Variants in CDH13 observed in about 807,000 individuals in gnomAD.
CDH13 encodes the protein cadherin 13, also known as cadherin-13.
Under a neutral mutation model 63.8 loss-of-function variants are expected in CDH13, and 24 were observed. The ratio of observed to expected loss-of-function variants is 0.38; its 90% CI spans 0.27 to 0.53. The LOEUF (loss-of-function observed/expected upper bound fraction) is 0.53. Ranked by LOEUF, CDH13 falls within the 20% of genes least tolerant of loss-of-function variation. The pLI, the probability that CDH13 is intolerant of heterozygous loss-of-function variation, is 0.85. For missense variants in CDH13, 1,049 were observed against 903.1 expected, an observed-to-expected ratio of 1.16 and a Z score of -2.07; for synonymous variants, 503 against 355.3, an observed-to-expected ratio of 1.42 and a Z score of -4.67.
chr16:82,895,394 G>C (rs763904660), intron 2 of CDH13, among the ~76,000 whole-genome samples: 160 of 151,948 alleles, frequency 1.1e-3, no homozygotes, highest in Non-Finnish European at 1.9e-3. Flanking sequence ...TCATCATCTG[G>C]TCCTTTTCCA....
chr16:83,692,280 A>G (rs1904981987), intron 10 of CDH13, among the ~76,000 whole-genome samples: 2 of 152,222 alleles, frequency 1.3e-5, no homozygotes, highest in Non-Finnish European at 1.5e-5. Flanking sequence ...GATGCCTGTA[A>G]GAGCATGGGG....
At chr16:82,849,370 CACGT>C (rs1383668461) in intron 1 of CDH13, among the ~76,000 whole-genome samples, 1 of 152,042 alleles carries the variant, frequency 6.6e-6, no homozygotes, top group Non-Finnish European at 1.5e-5. Context: ...GGTGTGGTGG[CACGT>C]ACCTGTAATA....
chr16:83,712,195 C>T (rs1908166884), intron 10 of CDH13, among the ~76,000 whole-genome samples: 2 of 152,168 alleles, frequency 1.3e-5, no homozygotes, highest in South Asian at 2.1e-4. Context: ...TTTGGGGAAA[C>T]ACAATTCAGA....
At chr16:82,904,979 T>G (rs993494286) in intron 2 of CDH13, among the ~76,000 whole-genome samples, 2 of 152,146 alleles carry the variant, frequency 1.3e-5, no homozygotes, top group Non-Finnish European at 2.9e-5. Context: ...AGTTTCTCCC[T>G]AAATGAACCC....
chr16:83,782,975 G>A (rs144703756), intron 12 of CDH13, among the ~76,000 whole-genome samples: 56 of 152,154 alleles, frequency 3.7e-4, no homozygotes, highest in Non-Finnish European at 5.9e-4. Flanking sequence ...TAATCGCGCC[G>A]AGGCACAGAA....
chr16:83,544,748 T>A (rs1271340494), intron 7 of CDH13, among the ~76,000 whole-genome samples: 1 of 152,150 alleles, frequency 6.6e-6, no homozygotes, highest in African/African-American at 2.4e-5. Flanking sequence ...CTAGCTGCAT[T>A]GTGTTGGGCA....
At chr16:82,794,631 C>G (rs999103245) in intron 1 of CDH13, among the ~76,000 whole-genome samples, 1 of 152,134 alleles carries the variant, frequency 6.6e-6, no homozygotes, top group African/African-American at 2.4e-5. Flanking sequence ...TTTTCTCAAA[C>G]AGAAGCTTAA....
intron 7 of CDH13, among the ~76,000 whole-genome samples, chr16:83,500,142 G>A (rs2074237095): frequency 6.6e-6 from 1 of 151,614 alleles, no homozygotes; most frequent in Non-Finnish European, 1.5e-5. Flanking sequence ...TGTATCAGTG[G>A]TCGTAAGGCA....
chr16:83,739,145 T>C lies in CDH13; in HGVS notation c.1539-8963T>C, dbSNP rs151309674. Among the ~76,000 whole-genome samples, 206 of 152,268 alleles carry C rather than the reference T, an allele frequency of 1.4e-3. 1 individual carries two copies. The highest frequency in any genetic ancestry group is 4.7e-3 in the African/African-American group (196 of 41,560). On this transcript the variant is annotated intron_variant, in intron 10 of 13. Transcript: ENST00000567109. Reference sequence around the variant, plus strand: ...CTCTTAGCTGATAAGAGTGACTCACTGCACCTAAACTGCTTGCGCGAACAA... The same window carrying C: ...CTCTTAGCTGATAAGAGTGACTCACCGCACCTAAACTGCTTGCGCGAACAA...
intron 1 of CDH13, among the ~76,000 whole-genome samples, chr16:82,711,019 G>A (rs2031899234): frequency 1.3e-5 from 2 of 150,778 alleles, no homozygotes; most frequent in Non-Finnish European, 1.5e-5. Flanking sequence ...ATCTCTTCTT[G>A]TGCCAGTGTT....
chr16:82,664,107 G>A (rs1912305042), intron 1 of CDH13, among the ~76,000 whole-genome samples: 1 of 152,248 alleles, frequency 6.6e-6, no homozygotes, highest in South Asian at 2.1e-4. Context: ...TTCGAAGTCA[G>A]TGAGACAAGG....
At chr16:83,025,734 C>T (rs77915869) in intron 2 of CDH13, among the ~76,000 whole-genome samples, 71 of 152,208 alleles carry the variant, frequency 4.7e-4, no homozygotes, top group South Asian at 3.1e-3. Context: ...TCTTGGGGCA[C>T]GGAAATAACA....
intron 1 of CDH13, among the ~76,000 whole-genome samples, chr16:82,841,650 T>G (rs2151132699): frequency 6.6e-6 from 1 of 152,092 alleles, no homozygotes; most frequent in East Asian, 1.9e-4. Context: ...CAGGCTGTTT[T>G]AACTCATACA....
intron 1 of CDH13, among the ~76,000 whole-genome samples, chr16:82,710,552 A>AAAAAATATATATATAT (rs60196638): frequency 9.4e-5 from 6 of 63,766 alleles, no homozygotes; most frequent in Non-Finnish European, 1.8e-4. Context: ...AAAAAAAAAA[A>AAAAAATATATATATAT]ATATATATAT....
At chr16:83,110,641 C>G (rs918469520) in intron 3 of CDH13, among the ~76,000 whole-genome samples, 4 of 152,062 alleles carry the variant, frequency 2.6e-5, no homozygotes, top group Non-Finnish European at 5.9e-5. Context: ...TGAATAAGCT[C>G]CTCCCTGGGC....
intron 7 of CDH13, among the ~76,000 whole-genome samples, chr16:83,599,232 T>C (rs1598350972): frequency 1.3e-5 from 2 of 152,212 alleles, no homozygotes; most frequent in South Asian, 2.1e-4. Flanking sequence ...GTACTGGAAG[T>C]TGAAGAATGA....
chr16:83,777,086 C>G (rs9938761), intron 11 of CDH13, among the ~76,000 whole-genome samples: 33,270 of 152,162 alleles, frequency 0.22, 3,728 homozygotes, highest in South Asian at 0.25. Flanking sequence ...AGAAAAGACA[C>G]TGCTTTCCTG....
chr16:83,205,999 ACTGAGCT>A (rs1183345398), intron 4 of CDH13, among the ~76,000 whole-genome samples: 1 of 152,068 alleles, frequency 6.6e-6, no homozygotes, highest in African/African-American at 2.4e-5. Flanking sequence ...ACAGGCATAG[ACTGAGCT>A]CTTACAGTGA....
At position 82,922,720 on chromosome 16, in the gene CDH13, A is replaced by C. The variant is rs1278269575; in HGVS notation, c.157+64247A>C. 2.6e-5 allele frequency among the ~76,000 whole-genome samples: 4 copies of C among 152,310 alleles called. No homozygotes were observed. The East Asian group carries it at 7.7e-4, about 29-fold the overall frequency. ...TGTGCACATTCTGTTGACTAGACCTAAGGGAGGCTAGAAAATTAGTCAAAT... is the reference window on the plus strand; with the variant it reads ...TGTGCACATTCTGTTGACTAGACCTCAGGGAGGCTAGAAAATTAGTCAAAT... On this transcript the variant is annotated intron_variant, in intron 2 of 13. Coordinates refer to ENST00000567109, the MANE Select transcript of CDH13 (RefSeq NM_001257.5).
Sources: allele counts gnomAD v4.1 joint callset (sites outside exome capture counted in the v4.1 genomes callset), GRCh38; gene constraint gnomAD v4.1.1; transcripts MANE v1.5; gene names NCBI Gene and HGNC (gene_info 2026-07-23, HGNC 2026-07-21).